Variants in TENM2 observed in about 807,000 individuals in gnomAD.
The protein encoded by TENM2 is teneurin transmembrane protein 2.
TENM2 carries 52 observed loss-of-function variants against 245.2 expected under a neutral mutation model. That is an observed-to-expected ratio of 0.21 (90% CI 0.17 to 0.27). TENM2 has a LOEUF of 0.27. Ranked by LOEUF, TENM2 falls within the 10% of genes least tolerant of loss-of-function variation. The probability of loss-of-function intolerance (pLI) is 1.00; values close to 1 mark genes in which losing one functional copy is unlikely to be tolerated. For synonymous variants in TENM2, 1,363 were observed against 1,438.9 expected (o/e 0.95, Z 1.19); for missense variants, 3,046 against 3,666.8 (o/e 0.83, Z 4.37).
intron 8 of TENM2, among the ~76,000 whole-genome samples, chr5:168,094,744 T>G (rs1222021898): frequency 6.6e-6 from 1 of 151,884 alleles, no homozygotes; most frequent in Non-Finnish European, 1.5e-5. Context: ...TCCCTCCATG[T>G]GCAGATCACA....
chr5:167,395,100 C>T (rs1015330471), intron 2 of TENM2, among the ~76,000 whole-genome samples: 1 of 151,472 alleles, frequency 6.6e-6, no homozygotes, highest in African/African-American at 2.4e-5. Context: ...GACATTTTAA[C>T]AACATTAAGT....
chr5:167,181,593 T>C, the TENM2 span, among the ~76,000 whole-genome samples: 1 of 152,082 alleles, frequency 6.6e-6, no homozygotes, highest in Admixed American at 6.6e-5. Context: ...TTTAAATGTG[T>C]CTGGCTCAAC....
the TENM2 span, among the ~76,000 whole-genome samples, chr5:167,074,649 G>A: frequency 0.014 from 2,078 of 152,302 alleles, 51 homozygotes; most frequent in African/African-American, 0.048. Context: ...AGTAATTGAC[G>A]TCCAAGCAAC....
intron 2 of TENM2, among the ~76,000 whole-genome samples, chr5:167,423,599 C>G (rs957991916): frequency 6.6e-6 from 1 of 152,064 alleles, no homozygotes; most frequent in Non-Finnish European, 1.5e-5. Flanking sequence ...TAAATAATTC[C>G]CCTTTTAATA....
rs1040177265 is a variant in TENM2, at chr5:167,822,152, T to C, written c.503-53834T>C. On this transcript the variant is annotated intron_variant, in intron 2 of 28. Transcript: ENST00000518659. ...CTTTGGGAAAGAGCATGCCCATCTG[T>C]GAAATGGGCTTGGGATTTGATTAAA... Among the ~76,000 whole-genome samples the C allele has an allele frequency of 2.6e-5, 4 of 151,926 alleles. No homozygotes were observed. The South Asian group carries it at 8.3e-4, about 32-fold the overall frequency.
At chr5:167,689,196 G>C (rs1757266676) in intron 2 of TENM2, among the ~76,000 whole-genome samples, 1 of 152,186 alleles carries the variant, frequency 6.6e-6, no homozygotes, top group South Asian at 2.1e-4. Context: ...GGCAATGTGA[G>C]TCTGGCACCA....
chr5:167,676,666 A>G (rs1056810681), intron 2 of TENM2, among the ~76,000 whole-genome samples: 5 of 151,868 alleles, frequency 3.3e-5, no homozygotes, highest in African/African-American at 1.2e-4. Flanking sequence ...CAGAAGCTGA[A>G]AAGGCTGCTT....
chr5:167,159,015 G>A, the TENM2 span, among the ~76,000 whole-genome samples: 5 of 147,540 alleles, frequency 3.4e-5, no homozygotes, highest in Admixed American at 6.8e-5. Context: ...GTGCAGTGGC[G>A]TATCTCAGCT....
rs1050026581 is a variant in TENM2 at position 168,004,503 on chromosome 5, G to C, written c.1186+11321G>C. 3.2e-5 allele frequency among the ~76,000 whole-genome samples: 3 copies of C among 92,566 alleles called. No individual in the cohort carries two copies. In the Admixed American group the frequency reaches 3.3e-4, roughly 10 times the overall value. The allele number at this position is 92,566 out of a possible 152,430, so 60.7% of individuals were successfully genotyped here. On this transcript the variant is annotated intron_variant, in intron 5 of 28. Transcript: ENST00000518659. The stretch of plus-strand genomic sequence containing the variant: ...AGGTCAGCCCCCATTTGGGATGCAC[G>C]CATGCGCGCGCGCGCACACACACAC...
the TENM2 span, among the ~76,000 whole-genome samples, chr5:167,193,691 T>C: frequency 6.6e-6 from 1 of 151,962 alleles, no homozygotes; most frequent in Non-Finnish European, 1.5e-5. Flanking sequence ...TTATAGAATA[T>C]GAGGCCTGTA....
chr5:167,159,358 T>A, the TENM2 span, among the ~76,000 whole-genome samples: 1 of 152,138 alleles, frequency 6.6e-6, no homozygotes, highest in African/African-American at 2.4e-5. Flanking sequence ...TTTTCACTTT[T>A]AAAAAAGGCA....
At chr5:168,009,237 G>A (rs1242946845) in intron 5 of TENM2, among the ~76,000 whole-genome samples, 1 of 152,190 alleles carries the variant, frequency 6.6e-6, no homozygotes, top group East Asian at 1.9e-4. Flanking sequence ...TGCCCTTTTT[G>A]ATTTGGGGCA....
intron 5 of TENM2, among the ~76,000 whole-genome samples, chr5:168,023,330 A>G (rs1378484927): frequency 1.3e-5 from 2 of 152,228 alleles, no homozygotes; most frequent in Non-Finnish European, 2.9e-5. Flanking sequence ...CCAGCTGGGT[A>G]AGCCGTGATG....
At chr5:167,618,916 G>A (rs1750838136) in intron 2 of TENM2, among the ~76,000 whole-genome samples, 2 of 152,144 alleles carry the variant, frequency 1.3e-5, no homozygotes, top group Admixed American at 6.6e-5. Context: ...AGTTTAGGCA[G>A]TTCAGGTAAA....
the TENM2 span, among the ~76,000 whole-genome samples, chr5:167,214,111 A>G: frequency 6.6e-6 from 1 of 152,246 alleles, no homozygotes; most frequent in South Asian, 2.1e-4. Flanking sequence ...ATTGTAGTCT[A>G]CAAACAATAA....
At chr5:168,092,386 C>T (rs190996136) in intron 8 of TENM2, among the ~76,000 whole-genome samples, 1 of 152,200 alleles carries the variant, frequency 6.6e-6, no homozygotes, top group African/African-American at 2.4e-5. Context: ...GGAGCAGCCC[C>T]ATACATCTGT....
the TENM2 span, among the ~76,000 whole-genome samples, chr5:167,139,404 A>G: frequency 5.9e-5 from 9 of 152,326 alleles, no homozygotes; most frequent in East Asian, 1.7e-3. Context: ...TTGTTTTGTG[A>G]TCTATATTCC....
chr5:167,443,522 A>C (rs1764982819), intron 2 of TENM2, among the ~76,000 whole-genome samples: 1 of 151,932 alleles, frequency 6.6e-6, no homozygotes, highest in African/African-American at 2.4e-5. Context: ...CTTCATTTGA[A>C]AGTTTGATTG....
intron 23 of TENM2, among the ~76,000 whole-genome samples, chr5:168,219,257 T>C (rs962157514): frequency 6.6e-6 from 1 of 152,202 alleles, no homozygotes; most frequent in African/African-American, 2.4e-5. Context: ...AATTTCAGGA[T>C]ATTGGACATG....
Sources: gnomAD v4.1 joint callset for allele counts (sites outside exome capture counted in the v4.1 genomes callset) on GRCh38, gnomAD v4.1.1 for gene constraint, MANE v1.5 for transcripts, NCBI Gene and HGNC (gene_info 2026-07-23, HGNC 2026-07-21) for gene names.